Variants in MTHFD1L observed in about 807,000 individuals in gnomAD.
MTHFD1L encodes the protein monofunctional C1-tetrahydrofolate synthase, mitochondrial.
Under a neutral mutation model 119.5 loss-of-function variants are expected in MTHFD1L, and 81 were observed. The observed-to-expected ratio is 0.68, with a 90% confidence interval of 0.57 to 0.82. The LOEUF (loss-of-function observed/expected upper bound fraction) is 0.82, where lower values mean the gene tolerates loss of function less well. MTHFD1L is among the 40% of genes least tolerant of loss of function. The pLI is 0.00. For synonymous variants in MTHFD1L, 430 were observed against 475.2 expected (o/e 0.90, Z 1.24); for missense variants, 1,125 against 1,253.4 (o/e 0.90, Z 1.55).
chr6:150,940,501 C>T (rs6902496), intron 13 of MTHFD1L, among the ~76,000 whole-genome samples: 27,435 of 152,070 alleles, frequency 0.18, 2,691 homozygotes, highest in South Asian at 0.22. Context: ...CGGGTTTAGC[C>T]AGCAAATTGG....
At position 150,903,203 on chromosome 6, in the gene MTHFD1L, A is replaced by ATTTTTTTTTTTTTTT. The variant is rs774695918; in HGVS notation, c.781-2429_781-2415dup. ...GATTGCTGGTGATATTGGCTGCAAA[A>ATTTTTTTTTTTTTTT]TTTTTTTTTTTTTTTTTTTTTTTTT... On this transcript the variant is annotated intron_variant, in intron 7 of 27. Coordinates refer to ENST00000367321, the MANE Select transcript of MTHFD1L (RefSeq NM_015440.5). Among the ~76,000 whole-genome samples, 34 of 85,446 alleles carry ATTTTTTTTTTTTTTT rather than the reference A, an allele frequency of 4.0e-4. 1 individual carries two copies. Among genetic ancestry groups the ATTTTTTTTTTTTTTT allele is most frequent in the African/African-American group, 1.5e-3 (29 of 19,966 alleles). 56.1% of individuals were successfully genotyped at this position (85,446 alleles called of 152,430 possible).
At chr6:151,098,471 CTG>C (rs1795079811) in intron 27 of MTHFD1L, among the ~76,000 whole-genome samples, 1 of 152,152 alleles carries the variant, frequency 6.6e-6, no homozygotes, top group South Asian at 2.1e-4. Context: ...CCGAGGAGTG[CTG>C]TGTGCCTTCT....
Position 150,926,143 on chromosome 6 carries a change from A to G in MTHFD1L, c.1104A>G (p.Gly368=), listed in dbSNP as rs758199546. The G allele has an allele frequency of 5.0e-6, 8 of 1,613,656 alleles. No homozygotes were observed. Among genetic ancestry groups the G allele is most frequent in the Admixed American group, 1.7e-5 (1 of 59,972 alleles). ...PVPSDIEISR[G]QTPKAVDVLA... is the part of the protein sequence containing the mutation. ...TCAGTGACATTGAGATTTCAAGAGG[A>G]CAAACTCCAAAAGCTGTGGATGTCC... Residue 368 remains glycine (G), a synonymous_variant, in exon 11 of 28, where the codon GGA becomes GGG. Transcript: ENST00000367321. The surrounding 1 kb of genome is among the most constrained non-coding windows in gnomAD (Gnocchi z 4.3).
Position 151,092,573 on chromosome 6 carries a change from C to T in MTHFD1L, c.*17C>T, listed in dbSNP as rs752353123. 1.9e-6 allele frequency: 3 copies of T among 1,604,012 alleles called. No individual in the cohort carries two copies. In the South Asian group the frequency reaches 3.3e-5, roughly 18 times the overall value. On this transcript the variant is annotated 3_prime_UTR_variant, in exon 27 of 28. Transcript: ENST00000367321. Reference sequence around the variant, plus strand: ...TTGTTCTAAGTGGACAAGGCTCTCACAGGACCCGATGCAGGTAGGCTGATG... The same window carrying T: ...TTGTTCTAAGTGGACAAGGCTCTCATAGGACCCGATGCAGGTAGGCTGATG...
At chr6:151,022,696 A>G (rs986160816) in intron 24 of MTHFD1L, among the ~76,000 whole-genome samples, 2 of 152,064 alleles carry the variant, frequency 1.3e-5, no homozygotes, top group African/African-American at 4.8e-5. Flanking sequence ...ATCTTCAGAC[A>G]CGCCCAGGGC....
At chr6:150,985,096 T>C (rs896497612) in intron 20 of MTHFD1L, 1 of 152,242 alleles carries the variant, frequency 6.6e-6, no homozygotes, top group Non-Finnish European at 1.5e-5. Context: ...GTGGCACAAA[T>C]AGAAGAGTCA....
intron 16 of MTHFD1L, among the ~76,000 whole-genome samples, chr6:150,951,792 CT>C (rs907549007): frequency 6.8e-4 from 98 of 144,620 alleles, no homozygotes; most frequent in Middle Eastern, 3.6e-3. Context: ...GTATTGTCAT[CT>C]TTTTTTTTTT....
intron 21 of MTHFD1L, among the ~76,000 whole-genome samples, chr6:151,010,741 C>T (rs1782094075): frequency 6.6e-6 from 1 of 151,056 alleles, no homozygotes; most frequent in South Asian, 2.1e-4. Flanking sequence ...GAGAATAAGA[C>T]ATTTTATACT....
At chr6:150,911,061 A>G (rs991868990) in intron 8 of MTHFD1L, among the ~76,000 whole-genome samples, 3 of 152,092 alleles carry the variant, frequency 2.0e-5, no homozygotes, top group African/African-American at 7.2e-5. Context: ...TTTCCTGTAA[A>G]TTCTGGATAT....
chr6:150,983,823 C>G (rs1222080775), intron 20 of MTHFD1L, among the ~76,000 whole-genome samples: 5 of 152,142 alleles, frequency 3.3e-5, no homozygotes, highest in African/African-American at 1.2e-4. Context: ...GAGTCTCGTT[C>G]TATCCCCCAG....
At chr6:151,073,688 TA>T (rs59835432) in intron 26 of MTHFD1L, among the ~76,000 whole-genome samples, 35,437 of 149,156 alleles carry the variant, frequency 0.24, 4,311 homozygotes, top group South Asian at 0.41. Context: ...CCTGAAATGA[TA>T]AAAAAAAAAA....
intron 26 of MTHFD1L, among the ~76,000 whole-genome samples, chr6:151,057,994 C>G (rs1184062861): frequency 6.6e-6 from 1 of 152,148 alleles, no homozygotes; most frequent in African/African-American, 2.4e-5. Context: ...CCAGACTGGT[C>G]TCAAACTCCT....
intron 26 of MTHFD1L, among the ~76,000 whole-genome samples, chr6:151,038,178 A>G (rs892216941): frequency 1.3e-5 from 2 of 152,200 alleles, no homozygotes; most frequent in Non-Finnish European, 2.9e-5. Context: ...TTTGAATAGC[A>G]CAGAGGTATC....
chr6:151,043,351 G>A (rs1040639792), intron 26 of MTHFD1L, among the ~76,000 whole-genome samples: 1 of 126,768 alleles, frequency 7.9e-6, no homozygotes, highest in Non-Finnish European at 1.6e-5. Context: ...TGCAACCTCC[G>A]CCTTCCAGGT....
intron 25 of MTHFD1L, among the ~76,000 whole-genome samples, chr6:151,035,863 G>A (rs559055064): frequency 6.6e-6 from 1 of 152,064 alleles, no homozygotes; most frequent in East Asian, 1.9e-4. Context: ...ACCTGTATTA[G>A]TTCATAGAAA....
intron 7 of MTHFD1L, among the ~76,000 whole-genome samples, chr6:150,889,460 A>G (rs1782870069): frequency 6.6e-6 from 1 of 152,196 alleles, no homozygotes; most frequent in Admixed American, 6.5e-5. Context: ...AAAAACCCCA[A>G]AGTTTTTCTT....
At position 150,939,683 on chromosome 6, in the gene MTHFD1L, C is replaced by CTTTTTT. The variant is rs751835547; in HGVS notation, c.1440+952_1440+957dup. On this transcript the variant is annotated intron_variant, in intron 13 of 27. Transcript: ENST00000367321. ...TACTGCGTCAAGCTCCTTGCAGACT[C>CTTTTTT]TTTTTTTTTTTTTTTTTTTGAGACA... Among the ~76,000 whole-genome samples the CTTTTTT allele has an allele frequency of 7.2e-4, 78 of 108,420 alleles. 4 individuals are homozygous for CTTTTTT. The Middle Eastern group carries it at 0.015, about 21-fold the overall frequency. 71.1% of individuals were successfully genotyped at this position (108,420 alleles called of 152,430 possible).
At chr6:150,870,571 C>A (rs1779230354) in intron 1 of MTHFD1L, among the ~76,000 whole-genome samples, 1 of 151,976 alleles carries the variant, frequency 6.6e-6, no homozygotes, top group African/African-American at 2.4e-5. Context: ...TATGTTTAGA[C>A]AATACTGTAG....
At chr6:150,879,656 G>GTTTTTGTTTTT in intron 4 of MTHFD1L, among the ~76,000 whole-genome samples, 1 of 133,886 alleles carries the variant, frequency 7.5e-6, no homozygotes. Flanking sequence ...CTGAGACGGA[G>GTTTTTGTTTTT]TCTCACTCTG....
Sources: gnomAD v4.1 joint callset for allele counts (sites outside exome capture counted in the v4.1 genomes callset) on GRCh38, gnomAD v4.1.1 for gene constraint, Gnocchi (gnomAD v3.1) non-coding constraint, MANE v1.5 for transcripts, NCBI Gene and HGNC (gene_info 2026-07-23, HGNC 2026-07-21) for gene names.